The following SLC24A2 variants were observed in gnomAD, a reference collection of about 807,000 sequenced individuals.
SLC24A2 encodes the protein sodium/potassium/calcium exchanger 2.
In SLC24A2, 36 loss-of-function variants were observed where a neutral mutation model predicts 62.0. The ratio of observed to expected loss-of-function variants is 0.58; its 90% CI spans 0.44 to 0.77. The LOEUF is 0.77. Among genes scored for constraint, SLC24A2 ranks in the 30% least tolerant of loss-of-function variants. SLC24A2 has a pLI of 0.00. For synonymous variants in SLC24A2, 358 were observed against 294.0 expected (o/e 1.22, Z -2.23); for missense variants, 846 against 817.9 (o/e 1.03, Z -0.42).
intron 8 of SLC24A2, 75 bp downstream of exon 8, chr9:19,550,062 A>G: frequency 6.7e-7 from 1 of 1,491,870 alleles, no homozygotes; most frequent in Non-Finnish European, 9.3e-7. Context: ...TTTTAACACA[A>G]ACTGAAGCAG....
At chr9:20,023,752 G>T in the SLC24A2 span, among the ~76,000 whole-genome samples, 1 of 152,140 alleles carries the variant, frequency 6.6e-6, no homozygotes, top group Admixed American at 6.5e-5. Flanking sequence ...CAAATGCCCA[G>T]AGAAGCAGCT....
chr9:20,192,392 T>A, the SLC24A2 span, among the ~76,000 whole-genome samples: 1 of 152,052 alleles, frequency 6.6e-6, no homozygotes, highest in Admixed American at 6.6e-5. Context: ...TATATATATT[T>A]AAGAAAGATA....
At chr9:20,025,964 T>A in the SLC24A2 span, among the ~76,000 whole-genome samples, 6 of 152,176 alleles carry the variant, frequency 3.9e-5, no homozygotes, top group Non-Finnish European at 8.8e-5. Context: ...TGTGGAAACA[T>A]CACCATGATA....
chr9:19,969,183 CCACACACA>C, the SLC24A2 span, among the ~76,000 whole-genome samples: 124 of 122,266 alleles, frequency 1.0e-3, no homozygotes, highest in Middle Eastern at 8.1e-3. Context: ...ACCTCCTTTG[CCACACACA>C]CACACACACA....
At chr9:19,542,408 T>A (rs1298523503) in intron 8 of SLC24A2, among the ~76,000 whole-genome samples, 1 of 152,174 alleles carries the variant, frequency 6.6e-6, no homozygotes, top group African/African-American at 2.4e-5. Flanking sequence ...GACTTCCTCT[T>A]TTCCTAATTG....
At chr9:20,257,878 T>C in the SLC24A2 span, among the ~76,000 whole-genome samples, 5 of 152,144 alleles carry the variant, frequency 3.3e-5, no homozygotes, top group African/African-American at 1.2e-4. Context: ...ACAGAAACAG[T>C]GTTTTCCATG....
the SLC24A2 span, among the ~76,000 whole-genome samples, chr9:20,092,305 T>C: frequency 1.3e-5 from 2 of 152,272 alleles, no homozygotes; most frequent in Non-Finnish European, 2.9e-5. Context: ...CTTGTATTTG[T>C]ATGCTAGCTT....
chr9:20,242,721 C>T, the SLC24A2 span, among the ~76,000 whole-genome samples: 1 of 152,210 alleles, frequency 6.6e-6, no homozygotes, highest in Non-Finnish European at 1.5e-5. Flanking sequence ...CATCCTAATG[C>T]TAATTAAAAA....
the SLC24A2 span, among the ~76,000 whole-genome samples, chr9:19,987,735 A>C: frequency 6.6e-6 from 1 of 152,334 alleles, no homozygotes; most frequent in African/African-American, 2.4e-5. Context: ...ATAATCCTGC[A>C]TCACACATCA....
chr9:19,909,773 C>G, the SLC24A2 span, among the ~76,000 whole-genome samples: 1 of 152,234 alleles, frequency 6.6e-6, no homozygotes, highest in Admixed American at 6.5e-5. Context: ...CTTCCTGCAT[C>G]TGTTGATTTT....
At chr9:20,126,689 C>T in the SLC24A2 span, among the ~76,000 whole-genome samples, 2 of 152,176 alleles carry the variant, frequency 1.3e-5, no homozygotes, top group African/African-American at 4.8e-5. Flanking sequence ...TTTTGCTCAT[C>T]CACCACTGAT....
At chr9:20,221,372 G>A in the SLC24A2 span, among the ~76,000 whole-genome samples, 1 of 152,010 alleles carries the variant, frequency 6.6e-6, no homozygotes, top group Non-Finnish European at 1.5e-5. Context: ...AGAAATGTTG[G>A]TAAGTTGAAT....
chr9:20,205,651 A>G, the SLC24A2 span, among the ~76,000 whole-genome samples: 6 of 50,810 alleles, frequency 1.2e-4, no homozygotes, highest in African/African-American at 5.5e-4. Context: ...ACTCCATCTA[A>G]AAAAAAAAAA....
At chr9:20,074,557 G>GGAAA in the SLC24A2 span, among the ~76,000 whole-genome samples, 1 of 19,168 alleles carries the variant, frequency 5.2e-5, no homozygotes, top group African/African-American at 1.1e-4. Flanking sequence ...GAAGAAGGCA[G>GGAAA]GAAGGAAGGA....
At chr9:20,233,243 T>G in the SLC24A2 span, among the ~76,000 whole-genome samples, 1 of 152,164 alleles carries the variant, frequency 6.6e-6, no homozygotes, top group Non-Finnish European at 1.5e-5. Flanking sequence ...CTATTAGGTC[T>G]GCTTGGTGCA....
At chr9:19,732,885 C>T (rs1041824659) in intron 2 of SLC24A2, among the ~76,000 whole-genome samples, 1 of 152,080 alleles carries the variant, frequency 6.6e-6, no homozygotes, top group African/African-American at 2.4e-5. Context: ...AAAAAAAAAT[C>T]CAGATTTTTC....
chr9:20,247,752 C>A, the SLC24A2 span, among the ~76,000 whole-genome samples: 9 of 152,164 alleles, frequency 5.9e-5, no homozygotes, highest in African/African-American at 2.2e-4. Flanking sequence ...GAGTTGGAGC[C>A]TTTTCAGGCG....
At chr9:20,038,562 T>C in the SLC24A2 span, among the ~76,000 whole-genome samples, 8 of 150,642 alleles carry the variant, frequency 5.3e-5, no homozygotes, top group Admixed American at 5.4e-4. Flanking sequence ...TTATTTGCAG[T>C]GCTTTCTCTT....
the SLC24A2 span, among the ~76,000 whole-genome samples, chr9:19,932,341 C>G: frequency 6.6e-6 from 1 of 152,126 alleles, no homozygotes; most frequent in East Asian, 1.9e-4. Context: ...TAATGTTATA[C>G]AAATTATGTA....
Sources: gnomAD v4.1 joint callset for allele counts (sites outside exome capture counted in the v4.1 genomes callset) on GRCh38, gnomAD v4.1.1 for gene constraint, MANE v1.5 for transcripts, NCBI Gene and HGNC (gene_info 2026-07-23, HGNC 2026-07-21) for gene names.